SET: variants seen among roughly 807,000 people sequenced by gnomAD.
The protein encoded by SET is SET nuclear proto-oncogene, also known as protein SET.
In SET, 4 loss-of-function variants were observed where a neutral mutation model predicts 39.0. That is an observed-to-expected ratio of 0.10 (90% CI 0.05 to 0.23). The LOEUF (loss-of-function observed/expected upper bound fraction) is 0.23, where lower values mean the gene tolerates loss of function less well. Ranked by LOEUF, SET falls within the 10% of genes least tolerant of loss-of-function variation. The pLI is 1.00. For synonymous variants in SET, 114 were observed against 115.9 expected, an observed-to-expected ratio of 0.98 and a Z score of 0.11; for missense variants, 137 against 329.7, an observed-to-expected ratio of 0.42 and a Z score of 4.53.
chr9:128,687,265 A>G (rs1861318190), upstream of SET, among the ~76,000 whole-genome samples: 1 of 151,460 alleles, frequency 6.6e-6, no homozygotes, highest in Non-Finnish European at 1.5e-5. Context: ...AGGCTAAGAC[A>G]CTCACCGTGC....
chr9:128,692,579 G>A lies in SET; in HGVS notation c.275-83G>A, dbSNP rs551951088. 1.5e-4 allele frequency: 142 copies of A among 936,884 alleles called. No individual in the cohort carries two copies. In the Middle Eastern group the frequency reaches 2.0e-3, roughly 13 times the overall value. 58.0% of individuals were successfully genotyped at this position (936,884 alleles called of 1,614,324 possible). Reference sequence around the variant, plus strand: ...AAAACCAAAGATGCTCACTAAGTTCGGAAAAATTTTAAAGGGATCACTTAA... The same window carrying A: ...AAAACCAAAGATGCTCACTAAGTTCAGAAAAATTTTAAAGGGATCACTTAA... On this transcript the variant is annotated intron_variant, in intron 3 of 7. Transcript: ENST00000322030.
chr9:128,695,539 T>G lies in SET; in HGVS notation c.*875T>G, dbSNP rs1861704101. 4.5e-6 allele frequency: 1 copy of G among 223,866 alleles called. No individual in the cohort carries two copies. Among genetic ancestry groups the G allele is most frequent in the South Asian group, 1.8e-4 (1 of 5,434 alleles). The allele number at this position is 223,866 out of a possible 1,614,324, so 13.9% of individuals were successfully genotyped here. On this transcript the variant is annotated 3_prime_UTR_variant, in exon 8 of 8. Transcript: ENST00000322030. ...AAACTAAATGTGTACACAAAGGATT[T>G]GATGCTTTTCTCTCAGCATAGGTAT...
chr9:128,694,108 A>ATC, intron 7 of SET, 66 bp downstream of exon 7: 1 of 984,590 alleles, frequency 1.0e-6, no homozygotes, highest in East Asian at 4.0e-5. Flanking sequence ...TTTGGGGTGT[A>ATC]TATATATATA....
intron 3 of SET, 167 bp from the exon 4 acceptor site, chr9:128,692,495 G>C: frequency 2.0e-6 from 1 of 494,290 alleles, no homozygotes; most frequent in Non-Finnish European, 3.7e-6. Context: ...CTAATTGCTT[G>C]ATGAAAGATA....
intron 1 of SET, 67 bp from the exon 2 acceptor site, chr9:128,691,103 T>G: frequency 8.3e-7 from 1 of 1,209,254 alleles, no homozygotes; most frequent in Non-Finnish European, 1.2e-6. Flanking sequence ...TGGAATATTA[T>G]AGTATTAACA....
intron 1 of SET, chr9:128,689,934 GCTCTCCTCCCCCTCCCTCC>G (rs1861456249): frequency 2.3e-5 from 3 of 128,944 alleles, no homozygotes; most frequent in Admixed American, 1.2e-4. Flanking sequence ...CCCCTCCCTC[GCTCTCCTCCCCCTCCCTCC>G]CTCCCGAGAA....
At chr9:128,694,561 C>A in intron 7 of SET, 80 bp from the exon 8 acceptor site, 2 of 934,134 alleles carry the variant, frequency 2.1e-6, no homozygotes, top group Non-Finnish European at 3.3e-6. Context: ...CCCAGGGGCA[C>A]TCGTGGGGTC....
At chr9:128,694,555 G>T in intron 7 of SET, 86 bp from the exon 8 acceptor site, 1 of 841,840 alleles carries the variant, frequency 1.2e-6, no homozygotes, top group Non-Finnish European at 1.9e-6. Flanking sequence ...AGTGCCCCCA[G>T]GGGCACTCGT....
At chr9:128,691,734 T>C in intron 2 of SET, 124 bp from the exon 3 acceptor site, 2 of 912,786 alleles carry the variant, frequency 2.2e-6, no homozygotes, top group Non-Finnish European at 3.3e-6. Context: ...TAGGTGATAA[T>C]GGTTATTATA....
chr9:128,685,004 C>T (rs1861237501), upstream of SET: 4 of 1,447,802 alleles, frequency 2.8e-6, no homozygotes, highest in East Asian at 1.0e-4. Flanking sequence ...TGGAGCCTTC[C>T]TGGGCTGGGT....
chr9:128,684,093 G>T, intron 1 of SET: 4 of 1,099,814 alleles, frequency 3.6e-6, no homozygotes, highest in Non-Finnish European at 4.0e-6. Context: ...TCCCTCTTGA[G>T]ATGTGACCCC....
At chr9:128,685,388 T>C (rs1203840027), upstream of SET, among the ~76,000 whole-genome samples, 1 of 152,192 alleles carries the variant, frequency 6.6e-6, no homozygotes, top group African/African-American at 2.4e-5. Flanking sequence ...TGAGTCTTCC[T>C]AGTTTCCTTC....
exon 1 of SET, chr9:128,683,816 C>G: frequency 8.0e-7 from 1 of 1,254,718 alleles, no homozygotes; most frequent in Non-Finnish European, 1.1e-6. Context: ...GCCGCTGGCA[C>G]CTGGGGCAGT....
chr9:128,687,252 G>A (rs1030786684), upstream of SET, among the ~76,000 whole-genome samples: 2 of 151,442 alleles, frequency 1.3e-5, no homozygotes, highest in African/African-American at 2.4e-5. Flanking sequence ...CCAGATACTC[G>A]GGAGGCTAAG....
At chr9:128,691,274 C>G in intron 2 of SET, 47 bp downstream of exon 2, 1 of 1,159,944 alleles carries the variant, frequency 8.6e-7, no homozygotes, top group Non-Finnish European at 1.3e-6. Flanking sequence ...TGAGATGTGT[C>G]TAATAGCCCG....
chr9:128,689,604 G>A lies in SET; in HGVS notation c.22G>A (p.Val8Ile). 3 of 1,379,862 alleles carry A rather than the reference G, an allele frequency of 2.2e-6. No individual in the cohort carries two copies. The highest frequency in any genetic ancestry group is 3.2e-5 in the East Asian group (1 of 31,604). The allele number at this position is 1,379,862 out of a possible 1,614,324, so 85.5% of individuals were successfully genotyped here. MSAPAAK[V>I]SKKELNSNHD... ...CACCATGTCGGCGCCGGCGGCCAAAGTCAGTAAAAAGGAGCTCAACTCCAA... is the reference window on the plus strand; with the variant it reads ...CACCATGTCGGCGCCGGCGGCCAAAATCAGTAAAAAGGAGCTCAACTCCAA... Residue 8 changes from valine (V) to isoleucine (I), a missense_variant, in exon 1 of 8, where the codon GTC (valine) becomes ATC (isoleucine). Transcript: ENST00000322030.
chr9:128,686,762 A>C (rs4480217), upstream of SET, among the ~76,000 whole-genome samples: 133,063 of 151,934 alleles, frequency 0.88, 60,488 homozygotes, highest in Non-Finnish European at 1. Flanking sequence ...GTTTGAGCTC[A>C]GGAGTTTGAG....
At chr9:128,687,617 CAAAAAAA>C (rs57072661), upstream of SET, among the ~76,000 whole-genome samples, 2 of 79,676 alleles carry the variant, frequency 2.5e-5, no homozygotes, top group South Asian at 4.0e-4. Context: ...CCTCCCCCAC[CAAAAAAA>C]AAAAAAAAAA....
upstream of SET, chr9:128,689,118 C>A: frequency 3.9e-6 from 1 of 256,362 alleles, no homozygotes; most frequent in Non-Finnish European, 6.1e-6. Context: ...CGCGACTCCG[C>A]CCCCTCATCC....
Sources: allele counts gnomAD v4.1 joint callset (sites outside exome capture counted in the v4.1 genomes callset), GRCh38; gene constraint gnomAD v4.1.1; transcripts MANE v1.5; gene names NCBI Gene and HGNC (gene_info 2026-07-23, HGNC 2026-07-21).